The following DBX2 variants were observed in gnomAD, a reference collection of about 807,000 sequenced individuals.
DBX2 encodes developing brain homeobox 2.
DBX2 carries 16 observed loss-of-function variants against 17.7 expected under a neutral mutation model. That is an observed-to-expected ratio of 0.90 (90% CI 0.61 to 1.37). The LOEUF (loss-of-function observed/expected upper bound fraction) is 1.37. Ranked by LOEUF, DBX2 falls within the 40% of genes most tolerant of loss-of-function variation. The probability of loss-of-function intolerance (pLI) is 0.00; values close to 1 mark genes in which losing one functional copy is unlikely to be tolerated. For synonymous variants in DBX2, 255 were observed against 183.8 expected, an observed-to-expected ratio of 1.39 and a Z score of -3.13; for missense variants, 538 against 433.8, an observed-to-expected ratio of 1.24 and a Z score of -2.13.
chr12:45,039,524 T>C (rs1395348581), intron 1 of DBX2, among the ~76,000 whole-genome samples: 1 of 151,672 alleles, frequency 6.6e-6, no homozygotes, highest in Non-Finnish European at 1.5e-5. Flanking sequence ...CAGTGCCATC[T>C]AGATGCAGTT....
intron 3 of DBX2, 125 bp downstream of exon 3, chr12:45,023,582 G>A: frequency 4.5e-6 from 5 of 1,101,874 alleles, no homozygotes; most frequent in Non-Finnish European, 1.3e-6. Flanking sequence ...CTAAATAAAT[G>A]GATTCCATTG....
chr12:45,029,634 G>T lies in DBX2; in HGVS notation c.500-5740C>A, dbSNP rs536534653. ...AATCCCAGCACTTTGGGAGGCGGAG[G>T]TGGGCAGATTGCCTGAGGTCAGGAG... is the stretch of plus-strand genomic sequence containing the variant. On this transcript the variant is annotated intron_variant, in intron 2 of 3. Transcript: ENST00000332700. 7.2e-5 allele frequency among the ~76,000 whole-genome samples: 11 copies of T among 152,244 alleles called. No individual in the cohort carries two copies. In the South Asian group the frequency reaches 2.3e-3, roughly 32 times the overall value.
chr12:45,022,636 C>T (rs1946359954), intron 3 of DBX2, among the ~76,000 whole-genome samples: 1 of 152,082 alleles, frequency 6.6e-6, no homozygotes, highest in Non-Finnish European at 1.5e-5. Flanking sequence ...CAAAATTAAC[C>T]ACCAGGTCAT....
chr12:45,016,681 A>C, intron 3 of DBX2, 63 bp from the exon 4 acceptor site: 1 of 1,464,624 alleles, frequency 6.8e-7, no homozygotes, highest in South Asian at 1.4e-5. Flanking sequence ...TCAGCATTTT[A>C]AACTGTAATT....
intron 1 of DBX2, among the ~76,000 whole-genome samples, chr12:45,049,855 C>A (rs957053315): frequency 6.6e-6 from 1 of 152,260 alleles, no homozygotes; most frequent in Non-Finnish European, 1.5e-5. Context: ...GCCCTTCTTT[C>A]GGTAAATTCT....
chr12:45,028,559 T>C (rs967455119), intron 2 of DBX2, among the ~76,000 whole-genome samples: 1 of 152,182 alleles, frequency 6.6e-6, no homozygotes, highest in Non-Finnish European at 1.5e-5. Context: ...TAGGTTTTCC[T>C]AATAAGTTGT....
chr12:45,035,374 T>C (rs943805557), intron 2 of DBX2, among the ~76,000 whole-genome samples: 1 of 152,234 alleles, frequency 6.6e-6, no homozygotes, highest in Non-Finnish European at 1.5e-5. Flanking sequence ...GGAGTTTTAC[T>C]TTTATGCCTG....
chr12:45,024,608 C>T (rs1287066044), intron 2 of DBX2, among the ~76,000 whole-genome samples: 1 of 152,096 alleles, frequency 6.6e-6, no homozygotes, highest in Non-Finnish European at 1.5e-5. Flanking sequence ...ATTTTTTCAA[C>T]AAAATTTTGA....
At position 45,023,803 on chromosome 12, in the gene DBX2, C is replaced by A. The variant is rs1946365789; in HGVS notation, c.591G>T (p.Gln197His). ...GAAACATTTTCTCCAGAGCCTTTCT[C>A]TGGTCCTCAGAAAAGACAGCTCTTC... ...ILRRAVFSED[Q>H]RKALEKMFQK... The change falls in exon 3 of 4, where the codon CAG (glutamine) becomes CAT (histidine). Residue 197 changes from glutamine to histidine, a missense_variant. Physicochemically the swap from Gln to His is conservative, Grantham distance 24. Transcript: ENST00000332700. The A allele has an allele frequency of 1.9e-6, 3 of 1,612,844 alleles. No homozygotes were observed. Among genetic ancestry groups the A allele is most frequent in the Non-Finnish European group, 2.5e-6 (3 of 1,179,560 alleles).
intron 1 of DBX2, among the ~76,000 whole-genome samples, chr12:45,041,664 G>C (rs1495044): frequency 0.012 from 1,860 of 152,160 alleles, 45 homozygotes; most frequent in African/African-American, 0.042. Flanking sequence ...TGTTTTGGTA[G>C]AGCTCATGAG....
chr12:45,022,915 C>CCTACCTCCAAAACCTCTTTA (rs1946361477), intron 3 of DBX2, among the ~76,000 whole-genome samples: 1 of 152,106 alleles, frequency 6.6e-6, no homozygotes, highest in Non-Finnish European at 1.5e-5. Context: ...AAGGTGGGAG[C>CCTACCTCCAAAACCTCTTTA]CTACCTCCAA....
intron 1 of DBX2, 138 bp downstream of exon 1, chr12:45,050,387 T>G (rs1426384909): frequency 1.4e-5 from 17 of 1,241,136 alleles, no homozygotes; most frequent in Non-Finnish European, 5.4e-6. Flanking sequence ...GCATCTCCAC[T>G]AAAGCTCGAG....
intron 2 of DBX2, among the ~76,000 whole-genome samples, chr12:45,030,311 G>T (rs545681254): frequency 2.0e-5 from 3 of 151,918 alleles, no homozygotes; most frequent in Non-Finnish European, 2.9e-5. Context: ...TGCAGCTCTG[G>T]CCTGTCTATC....
Position 45,023,743 on chromosome 12 carries a change from C to A in DBX2, c.651G>T (p.Lys217Asn). ...TTAGTCCCAAGTTGATGGCAAGTTT[C>A]TTTCGGTCTGTTTTGCTGATATATT... Reference protein sequence around the residue: ...KQKYISKTDRKKLAINLGLKE... With the variant: ...KQKYISKTDRNKLAINLGLKE... The change falls in exon 3 of 4, where the codon AAG (lysine) becomes AAT (asparagine). Residue 217 changes from lysine to asparagine, a missense_variant. Physicochemically the swap from Lys to Asn is moderately conservative, Grantham distance 94. Transcript: ENST00000332700. The A allele has an allele frequency of 6.2e-7, 1 of 1,614,104 alleles. No individual in the cohort carries two copies.
intron 1 of DBX2, among the ~76,000 whole-genome samples, chr12:45,039,609 G>A (rs1457947350): frequency 2.6e-5 from 4 of 151,804 alleles, no homozygotes; most frequent in Non-Finnish European, 5.9e-5. Flanking sequence ...AATATTTAAG[G>A]AGTGCTTACT....
chr12:45,042,055 C>G (rs1206218265), intron 1 of DBX2, among the ~76,000 whole-genome samples: 2 of 152,098 alleles, frequency 1.3e-5, no homozygotes, highest in African/African-American at 4.8e-5. Flanking sequence ...AGATGCCTAG[C>G]CCCCACATCA....
At chr12:45,021,006 T>C (rs1038011032) in intron 3 of DBX2, among the ~76,000 whole-genome samples, 1 of 152,114 alleles carries the variant, frequency 6.6e-6, no homozygotes, top group Non-Finnish European at 1.5e-5. Flanking sequence ...CAATTGAATT[T>C]ACCATAATAA....
rs934812903 is a variant in DBX2 at position 45,027,449 on chromosome 12, A to G, written c.500-3555T>C. On this transcript the variant is annotated intron_variant, in intron 2 of 3. Transcript: ENST00000332700. Reference sequence around the variant, plus strand: ...CTTAATTTGTAAATGTATCCAATATACAATTATTACAGCAATAAGTATTAA... The same window carrying G: ...CTTAATTTGTAAATGTATCCAATATGCAATTATTACAGCAATAAGTATTAA... Among the ~76,000 whole-genome samples the G allele has an allele frequency of 5.3e-5, 8 of 152,226 alleles. No homozygotes were observed. In the South Asian group the frequency reaches 1.0e-3, roughly 20 times the overall value.
At chr12:45,037,577 GACA>G (rs1393176344) in intron 1 of DBX2, among the ~76,000 whole-genome samples, 8 of 152,120 alleles carry the variant, frequency 5.3e-5, no homozygotes, top group African/African-American at 1.2e-4. Flanking sequence ...ATATTCAAGG[GACA>G]ACTTCTTTCC....
Sources: gnomAD v4.1 joint callset for allele counts (sites outside exome capture counted in the v4.1 genomes callset) on GRCh38, gnomAD v4.1.1 for gene constraint, MANE v1.5 for transcripts, NCBI Gene and HGNC (gene_info 2026-07-23, HGNC 2026-07-21) for gene names.